The following PIEZO2 variants were observed in gnomAD, a reference collection of about 807,000 sequenced individuals.
The protein encoded by PIEZO2 is piezo type mechanosensitive ion channel component 2.
Under a neutral mutation model 337.3 loss-of-function variants are expected in PIEZO2, and 172 were observed. The observed-to-expected ratio is 0.51, with a 90% CI of 0.45 to 0.58. The LOEUF is 0.58. PIEZO2 is among the 20% of genes least tolerant of loss of function. The pLI, the probability that PIEZO2 is intolerant of heterozygous loss-of-function variation, is 0.00. For missense variants in PIEZO2, 3,028 were observed against 3,391.3 expected (o/e 0.89, Z 2.66); for synonymous variants, 1,251 against 1,228.5 (o/e 1.02, Z -0.38).
chr18:11,029,405 T>C (rs1278546984), intron 2 of PIEZO2, among the ~76,000 whole-genome samples: 1 of 152,210 alleles, frequency 6.6e-6, no homozygotes, highest in Admixed American at 6.5e-5. Context: ...AATTAGATGT[T>C]TGAAGTGTGC....
At chr18:10,771,128 G>A (rs2038588493) in intron 20 of PIEZO2, among the ~76,000 whole-genome samples, 1 of 152,146 alleles carries the variant, frequency 6.6e-6, no homozygotes. Flanking sequence ...CATCTTTCTT[G>A]CCACAACGGC....
intron 2 of PIEZO2, among the ~76,000 whole-genome samples, chr18:11,063,217 T>A (rs1598902954): frequency 1.5e-5 from 2 of 137,698 alleles, no homozygotes. Flanking sequence ...CACTCATAGG[T>A]GGGAATTGAA....
At chr18:10,681,479 A>G (rs569930835) in intron 51 of PIEZO2, among the ~76,000 whole-genome samples, 182 bp downstream of exon 51, 1 of 152,356 alleles carries the variant, frequency 6.6e-6, no homozygotes, top group Non-Finnish European at 1.5e-5. Context: ...GTCCAACAAC[A>G]TAGACATAAC....
chr18:11,057,541 T>C (rs1263291527), intron 2 of PIEZO2, among the ~76,000 whole-genome samples: 1 of 152,206 alleles, frequency 6.6e-6, no homozygotes, highest in African/African-American at 2.4e-5. Context: ...TTGGAAACAA[T>C]AGCTTGGATT....
At chr18:10,678,266 G>T (rs1275726157) in intron 52 of PIEZO2, among the ~76,000 whole-genome samples, 1 of 152,182 alleles carries the variant, frequency 6.6e-6, no homozygotes, top group Non-Finnish European at 1.5e-5. Flanking sequence ...AATTTTAATT[G>T]TTCTGTTTTT....
chr18:10,799,665 A>G (rs963118802), intron 11 of PIEZO2, among the ~76,000 whole-genome samples: 11 of 152,116 alleles, frequency 7.2e-5, no homozygotes, highest in Non-Finnish European at 7.4e-5. Context: ...AAAATGGACA[A>G]AAAAAAGGAC....
At chr18:10,705,018 C>T (rs1265929039) in intron 41 of PIEZO2, among the ~76,000 whole-genome samples, 1 of 152,186 alleles carries the variant, frequency 6.6e-6, no homozygotes, top group Non-Finnish European at 1.5e-5. Flanking sequence ...CTCCAAATTA[C>T]TGATTTTCAT....
intron 2 of PIEZO2, among the ~76,000 whole-genome samples, chr18:10,991,219 C>T (rs954503530): frequency 2.7e-5 from 4 of 150,456 alleles, no homozygotes; most frequent in African/African-American, 9.9e-5. Context: ...TATATATACA[C>T]ACACACACAC....
intron 47 of PIEZO2, among the ~76,000 whole-genome samples, chr18:10,691,804 G>GAA (rs1331483151): frequency 4.4e-5 from 5 of 112,668 alleles, no homozygotes; most frequent in East Asian, 3.0e-4. Context: ...TATATATAGA[G>GAA]AGAGAGAGAG....
At chr18:11,018,363 G>T (rs1458023393) in intron 2 of PIEZO2, among the ~76,000 whole-genome samples, 1 of 148,282 alleles carries the variant, frequency 6.7e-6, no homozygotes, top group Non-Finnish European at 1.5e-5. Flanking sequence ...GATCCTGGGG[G>T]TTAGGACTCC....
chr18:10,759,315 G>T lies in PIEZO2; in HGVS notation c.3757+167C>A, dbSNP rs560108239. On this transcript the variant is annotated intron_variant, in intron 26 of 55. Transcript: ENST00000674853. This position sits in a 1 kb window ranked among gnomAD's most constrained non-coding sequence, Gnocchi z 5.5. ...TTTATTAATTTTGCAAATGTAATAG[G>T]GTGAGTAGAAGCCATTAATGACTTG... Among the ~76,000 whole-genome samples, 9 of 152,118 alleles carry T rather than the reference G, an allele frequency of 5.9e-5. No individual in the cohort carries two copies. Among genetic ancestry groups the T allele is most frequent in the Admixed American group, 5.9e-4 (9 of 15,268 alleles).
chr18:11,074,257 C>A (rs1287824465), intron 1 of PIEZO2, among the ~76,000 whole-genome samples: 1 of 152,146 alleles, frequency 6.6e-6, no homozygotes, highest in Admixed American at 6.5e-5. Context: ...TGCACAATGT[C>A]CCCTGATACC....
At chr18:11,008,363 G>A (rs1203825210) in intron 2 of PIEZO2, among the ~76,000 whole-genome samples, 5 of 152,150 alleles carry the variant, frequency 3.3e-5, no homozygotes, top group African/African-American at 1.2e-4. Context: ...ATATATCAAA[G>A]CAAATCCCAA....
intron 1 of PIEZO2, among the ~76,000 whole-genome samples, chr18:11,122,342 C>A (rs973154364): frequency 1.3e-5 from 2 of 152,208 alleles, no homozygotes; most frequent in African/African-American, 4.8e-5. Flanking sequence ...TTAACAGTCT[C>A]ATTTTAAACA....
At chr18:10,933,486 T>C (rs1428727781) in intron 3 of PIEZO2, among the ~76,000 whole-genome samples, 1 of 152,202 alleles carries the variant, frequency 6.6e-6, no homozygotes, top group Non-Finnish European at 1.5e-5. Context: ...CCTTAAGTAG[T>C]TACTGTGGTG....
In PIEZO2 at chr18:10,795,021, G is replaced by A; in HGVS notation, c.1528-19C>T. On this transcript the variant is annotated intron_variant, in intron 12 of 55. Transcript: ENST00000674853. The surrounding 1 kb of genome is among the most constrained non-coding windows in gnomAD (Gnocchi z 4.4). ...TCCAGGCCTCCGGAGGACAGAAAAG[G>A]AAACACGACCATGGTCAATACAATG... 1 of 1,537,106 alleles carries A rather than the reference G, an allele frequency of 6.5e-7. No individual in the cohort carries two copies. The highest frequency in any genetic ancestry group is 8.8e-7 in the Non-Finnish European group (1 of 1,139,728).
At chr18:11,145,966 A>G (rs1282164914) in intron 1 of PIEZO2, among the ~76,000 whole-genome samples, 2 of 152,142 alleles carry the variant, frequency 1.3e-5, no homozygotes, top group Non-Finnish European at 2.9e-5. Flanking sequence ...TTCCAGGCTG[A>G]GCAAGGGGGA....
chr18:10,937,599 G>GA (rs1002438720), intron 3 of PIEZO2, among the ~76,000 whole-genome samples: 1 of 152,128 alleles, frequency 6.6e-6, no homozygotes, highest in Non-Finnish European at 1.5e-5. Context: ...TGAAAGCAAT[G>GA]AAAAAACAGA....
rs2036539730 is a variant in PIEZO2 at position 10,726,378 on chromosome 18, C to T, written c.5029+5029G>A. ...CGCCTTCCCCGCAGGCACCCACTAC[C>T]TGCGGGGCGGTAACAACGCGCGCCA... is the stretch of plus-strand genomic sequence containing the variant. On this transcript the variant is annotated intron_variant, in intron 36 of 55. Transcript: ENST00000674853. The surrounding 1 kb of genome is among the most constrained non-coding windows in gnomAD (Gnocchi z 5.9). 8 of 1,520,628 alleles carry T rather than the reference C, an allele frequency of 5.3e-6. No individual in the cohort carries two copies. Among genetic ancestry groups the T allele is most frequent in the Admixed American group, 2.0e-5 (1 of 49,852 alleles). 94.2% of individuals were successfully genotyped at this position (1,520,628 alleles called of 1,614,324 possible).
Sources: gnomAD v4.1 joint callset for allele counts (sites outside exome capture counted in the v4.1 genomes callset) on GRCh38, gnomAD v4.1.1 for gene constraint, Gnocchi (gnomAD v3.1) non-coding constraint, MANE v1.5 for transcripts, NCBI Gene and HGNC (gene_info 2026-07-23, HGNC 2026-07-21) for gene names.